SEMA3A: variants seen among roughly 807,000 people sequenced by gnomAD.
The protein encoded by SEMA3A is semaphorin-3A.
Under a neutral mutation model 97.9 loss-of-function variants are expected in SEMA3A, and 29 were observed. That is an observed-to-expected ratio of 0.30 (90% CI 0.22 to 0.40). SEMA3A has a LOEUF of 0.40. Among genes scored for constraint, SEMA3A ranks in the 10% least tolerant of loss-of-function variants. The pLI is 1.00. For synonymous variants in SEMA3A, 321 were observed against 323.7 expected (o/e 0.99, Z 0.09); for missense variants, 763 against 951.3 (o/e 0.80, Z 2.60).
At chr7:84,068,599 T>C (rs909024570) in intron 4 of SEMA3A, among the ~76,000 whole-genome samples, 2 of 152,044 alleles carry the variant, frequency 1.3e-5, no homozygotes, top group Non-Finnish European at 2.9e-5. Context: ...TGGTAGAAAT[T>C]ATTGTTATGA....
intron 3 of SEMA3A, among the ~76,000 whole-genome samples, chr7:84,233,336 T>C (rs1234056412): frequency 6.6e-6 from 1 of 151,996 alleles, no homozygotes; most frequent in Non-Finnish European, 1.5e-5. Flanking sequence ...GTGATTTGGC[T>C]ACTTATATAA....
chr7:84,264,990 T>A (rs1194949028), intron 3 of SEMA3A, among the ~76,000 whole-genome samples: 1 of 152,162 alleles, frequency 6.6e-6, no homozygotes, highest in Non-Finnish European at 1.5e-5. Context: ...ATTTCCCTAG[T>A]ACACTAAGGC....
intron 10 of SEMA3A, 28 bp downstream of exon 10, chr7:84,007,325 T>A (rs564276076): frequency 6.4e-7 from 1 of 1,555,074 alleles, no homozygotes; most frequent in South Asian, 1.2e-5. Flanking sequence ...TATATTCATT[T>A]CATATTTTAA....
chr7:84,257,820 G>T (rs556602895), intron 3 of SEMA3A, among the ~76,000 whole-genome samples: 1 of 152,120 alleles, frequency 6.6e-6, no homozygotes, highest in Non-Finnish European at 1.5e-5. Flanking sequence ...AAAGAAAATG[G>T]TTTAGATGAA....
At chr7:84,342,236 T>C (rs1041894405) in intron 2 of SEMA3A, among the ~76,000 whole-genome samples, 1 of 152,120 alleles carries the variant, frequency 6.6e-6, no homozygotes, top group Admixed American at 6.6e-5. Flanking sequence ...GGTTTCTCCA[T>C]GTTGGTCAGG....
chr7:84,450,918 AAT>A (rs1805538214), intron 1 of SEMA3A, among the ~76,000 whole-genome samples: 1 of 152,076 alleles, frequency 6.6e-6, no homozygotes, highest in Admixed American at 6.5e-5. Flanking sequence ...CCCCTTAGCA[AAT>A]ATATAGTCTG....
chr7:84,031,576 G>A (rs1436344640), intron 6 of SEMA3A, among the ~76,000 whole-genome samples: 1 of 152,060 alleles, frequency 6.6e-6, no homozygotes, highest in South Asian at 2.1e-4. Flanking sequence ...GCTCACGCCT[G>A]TAATCCCAGC....
intron 2 of SEMA3A, among the ~76,000 whole-genome samples, chr7:84,132,005 G>A (rs1308914894): frequency 6.6e-6 from 1 of 151,890 alleles, no homozygotes; most frequent in African/African-American, 2.4e-5. Flanking sequence ...TAGCGACAGG[G>A]TTTCACTATG....
intron 3 of SEMA3A, among the ~76,000 whole-genome samples, chr7:84,127,150 A>G (rs978310029): frequency 4.6e-5 from 7 of 151,996 alleles, no homozygotes; most frequent in African/African-American, 1.7e-4. Flanking sequence ...TCTTCACAAG[A>G]AGGCCCTGAC....
At chr7:84,317,054 G>A (rs1274498927) in intron 2 of SEMA3A, among the ~76,000 whole-genome samples, 1 of 152,018 alleles carries the variant, frequency 6.6e-6, no homozygotes, top group South Asian at 2.1e-4. Context: ...ATATTAACGT[G>A]AGATTTGGCT....
At chr7:84,233,645 T>C (rs1240753686) in intron 3 of SEMA3A, among the ~76,000 whole-genome samples, 1 of 152,048 alleles carries the variant, frequency 6.6e-6, no homozygotes, top group Non-Finnish European at 1.5e-5. Flanking sequence ...ATTTCAACCA[T>C]GTAATGATAT....
intron 1 of SEMA3A, among the ~76,000 whole-genome samples, chr7:84,155,214 C>A (rs1375516338): frequency 6.6e-6 from 1 of 152,120 alleles, no homozygotes; most frequent in Non-Finnish European, 1.5e-5. Flanking sequence ...ATTTTCATGA[C>A]GCAGGATTCT....
intron 3 of SEMA3A, among the ~76,000 whole-genome samples, chr7:84,272,443 G>A (rs1423325693): frequency 6.6e-6 from 1 of 151,934 alleles, no homozygotes; most frequent in Non-Finnish European, 1.5e-5. Context: ...ATTTAACTGA[G>A]TATTAATAGC....
At chr7:84,339,252 C>G (rs1001749099) in intron 2 of SEMA3A, among the ~76,000 whole-genome samples, 1 of 152,074 alleles carries the variant, frequency 6.6e-6, no homozygotes, top group Non-Finnish European at 1.5e-5. Flanking sequence ...GAATTGGGGA[C>G]TAATAGAGGC....
At chr7:84,378,179 A>G (rs1017111551) in intron 1 of SEMA3A, among the ~76,000 whole-genome samples, 8 of 152,264 alleles carry the variant, frequency 5.3e-5, no homozygotes, top group Non-Finnish European at 5.9e-5. Context: ...AGTTATCCAT[A>G]ATGTCATTCT....
intron 14 of SEMA3A, among the ~76,000 whole-genome samples, chr7:83,980,623 A>C (rs200026234): frequency 1.4e-5 from 1 of 71,762 alleles, no homozygotes; most frequent in African/African-American, 8.3e-5. Flanking sequence ...AAAAAAAAAA[A>C]ATATATATAT....
chr7:84,429,182 A>G (rs1464556046), intron 1 of SEMA3A, among the ~76,000 whole-genome samples: 1 of 152,014 alleles, frequency 6.6e-6, no homozygotes, highest in Non-Finnish European at 1.5e-5. Context: ...TACTTTATTT[A>G]TGCCTACATC....
chr7:84,046,207 A>G, intron 6 of SEMA3A, 117 bp downstream of exon 6: 3 of 1,198,802 alleles, frequency 2.5e-6, no homozygotes, highest in East Asian at 2.4e-5. Context: ...AGTCACCACC[A>G]TTAGCTTAAC....
At chr7:84,307,183 T>A (rs1282839616) in intron 3 of SEMA3A, 1 of 152,286 alleles carries the variant, frequency 6.6e-6, no homozygotes. Context: ...AACATGCCAA[T>A]GTGTATAAGT....
Sources: allele counts gnomAD v4.1 joint callset (sites outside exome capture counted in the v4.1 genomes callset), GRCh38; gene constraint gnomAD v4.1.1; transcripts MANE v1.5; gene names NCBI Gene and HGNC (gene_info 2026-07-23, HGNC 2026-07-21).